COL25A1: variants seen among roughly 807,000 people sequenced by gnomAD.
COL25A1 encodes the protein collagen alpha-1(XXV) chain.
COL25A1 carries 103 observed loss-of-function variants against 128.4 expected under a neutral mutation model. The observed-to-expected ratio is 0.80, with a 90% CI of 0.68 to 0.94. The LOEUF is 0.94. COL25A1 is among the 40% of genes least tolerant of loss of function. The pLI, the probability that COL25A1 is intolerant of heterozygous loss-of-function variation, is 0.00. For synonymous variants in COL25A1, 279 were observed against 277.2 expected (o/e 1.01, Z -0.06); for missense variants, 745 against 840.0 (o/e 0.89, Z 1.40).
intron 19 of COL25A1, among the ~76,000 whole-genome samples, chr4:108,869,715 C>CT (rs1257186786): frequency 2.0e-5 from 3 of 151,966 alleles, no homozygotes; most frequent in African/African-American, 7.3e-5. Context: ...GTTTTATTTT[C>CT]TTTTTTTAAC....
chr4:109,176,344 C>A (rs1024087215), intron 3 of COL25A1, among the ~76,000 whole-genome samples: 1 of 152,100 alleles, frequency 6.6e-6, no homozygotes, highest in Non-Finnish European at 1.5e-5. Flanking sequence ...GAGCCAAGAT[C>A]GCACCACTGC....
At chr4:108,989,137 C>T (rs1249274040) in intron 6 of COL25A1, among the ~76,000 whole-genome samples, 1 of 152,220 alleles carries the variant, frequency 6.6e-6, no homozygotes, top group East Asian at 1.9e-4. Context: ...ATTCAGGGTC[C>T]TGCTGGCCCA....
chr4:109,020,262 C>T (rs1317513795), intron 5 of COL25A1, among the ~76,000 whole-genome samples: 1 of 152,016 alleles, frequency 6.6e-6, no homozygotes, highest in Non-Finnish European at 1.5e-5. Context: ...TTGTGCTATC[C>T]TACAGGATAG....
At chr4:109,030,089 T>C (rs1204736729) in intron 5 of COL25A1, among the ~76,000 whole-genome samples, 1 of 151,964 alleles carries the variant, frequency 6.6e-6, no homozygotes, top group Non-Finnish European at 1.5e-5. Flanking sequence ...AGGATGAAAA[T>C]AAATGGCCAA....
intron 6 of COL25A1, among the ~76,000 whole-genome samples, chr4:109,004,404 T>A (rs1390971067): frequency 1.3e-5 from 1 of 75,462 alleles, no homozygotes; most frequent in African/African-American, 4.5e-5. Context: ...AGGTTTGTGT[T>A]TTTTTTTTTT....
At chr4:108,936,496 G>C (rs1468349004) in intron 11 of COL25A1, among the ~76,000 whole-genome samples, 1 of 152,142 alleles carries the variant, frequency 6.6e-6, no homozygotes, top group Non-Finnish European at 1.5e-5. Flanking sequence ...GAACCCAGGA[G>C]GTGGTGGTTG....
intron 11 of COL25A1, among the ~76,000 whole-genome samples, chr4:108,922,112 A>T (rs1745557626): frequency 6.6e-6 from 1 of 152,088 alleles, no homozygotes; most frequent in Admixed American, 6.6e-5. Flanking sequence ...TTACCCCTAG[A>T]TCTGTATCAG....
Position 108,981,330 on chromosome 4 carries a change from T to C in COL25A1, c.439-6771A>G, listed in dbSNP as rs146328185. Among the ~76,000 whole-genome samples, 376 of 152,310 alleles carry C rather than the reference T, an allele frequency of 2.5e-3. 1 individual carries two copies. Among genetic ancestry groups the C allele is most frequent in the African/African-American group, 8.7e-3 (360 of 41,562 alleles). On this transcript the variant is annotated intron_variant, in intron 6 of 37. Coordinates refer to ENST00000399132, the MANE Select transcript of COL25A1 (RefSeq NM_198721.4). ...TAGTTTTCTGTTTTACTGGCACACA[T>C]TTTTTAGAGACATTTCTTCTTCAAA...
intron 3 of COL25A1, among the ~76,000 whole-genome samples, chr4:109,107,943 A>T (rs1268667269): frequency 6.6e-6 from 1 of 152,240 alleles, no homozygotes; most frequent in African/African-American, 2.4e-5. Flanking sequence ...ATTCCATGTG[A>T]TCAACTCTTT....
At chr4:109,039,187 GTCC>G (rs1395494296) in intron 5 of COL25A1, among the ~76,000 whole-genome samples, 1 of 151,788 alleles carries the variant, frequency 6.6e-6, no homozygotes, top group African/African-American at 2.4e-5. Flanking sequence ...CTTCCCATTT[GTCC>G]TCCTCCTTGT....
intron 3 of COL25A1, among the ~76,000 whole-genome samples, chr4:109,166,592 C>T (rs1773094485): frequency 1.3e-5 from 2 of 152,160 alleles, no homozygotes; most frequent in Admixed American, 6.5e-5. Flanking sequence ...AAGCCCCAAA[C>T]ATCAAAATAG....
chr4:108,899,488 A>G (rs369822790), intron 14 of COL25A1, among the ~76,000 whole-genome samples: 2 of 152,254 alleles, frequency 1.3e-5, no homozygotes, highest in African/African-American at 2.4e-5. Flanking sequence ...TGGCAATTCA[A>G]TATCTTGAGA....
intron 3 of COL25A1, among the ~76,000 whole-genome samples, chr4:109,114,465 G>T (rs888811497): frequency 2.0e-5 from 3 of 152,046 alleles, no homozygotes. Flanking sequence ...TGACATCAGA[G>T]CTGAGCTTTG....
At chr4:109,198,042 T>C (rs1262512355) in intron 3 of COL25A1, among the ~76,000 whole-genome samples, 1 of 152,138 alleles carries the variant, frequency 6.6e-6, no homozygotes, top group Non-Finnish European at 1.5e-5. Context: ...TTATTATTCA[T>C]GTCTTAAAAA....
chr4:109,109,871 C>T (rs922694117), intron 3 of COL25A1, among the ~76,000 whole-genome samples: 11 of 152,310 alleles, frequency 7.2e-5, no homozygotes, highest in South Asian at 2.1e-4. Flanking sequence ...CACTGACACT[C>T]GTACCCTCAC....
intron 19 of COL25A1, among the ~76,000 whole-genome samples, chr4:108,879,553 T>C (rs557903111): frequency 6.6e-6 from 1 of 152,194 alleles, no homozygotes; most frequent in South Asian, 2.1e-4. Context: ...GTTCAAGTGA[T>C]TCTCCTGCCT....
intron 3 of COL25A1, among the ~76,000 whole-genome samples, chr4:109,077,061 G>C (rs1315567549): frequency 6.6e-6 from 1 of 152,140 alleles, no homozygotes; most frequent in Non-Finnish European, 1.5e-5. Flanking sequence ...GCAGTAAAGG[G>C]TCCTGCAATG....
intron 3 of COL25A1, among the ~76,000 whole-genome samples, chr4:109,197,341 T>A (rs951074488): frequency 2.3e-5 from 3 of 131,556 alleles, no homozygotes; most frequent in Non-Finnish European, 4.6e-5. Context: ...TATATATATA[T>A]TATATATATA....
intron 3 of COL25A1, among the ~76,000 whole-genome samples, chr4:109,140,899 TCTC>T (rs1770335179): frequency 6.6e-6 from 1 of 152,180 alleles, no homozygotes; most frequent in South Asian, 2.1e-4. Flanking sequence ...TTTGACTTCC[TCTC>T]CTCCTATGTG....
Sources: gnomAD v4.1 joint callset for allele counts (sites outside exome capture counted in the v4.1 genomes callset) on GRCh38, gnomAD v4.1.1 for gene constraint, MANE v1.5 for transcripts, NCBI Gene and HGNC (gene_info 2026-07-23, HGNC 2026-07-21) for gene names.